The following SLC25A51 variants were observed in gnomAD, a reference collection of about 807,000 sequenced individuals.
SLC25A51 encodes the protein solute carrier family 25 member 51.
Under a neutral mutation model 19.1 loss-of-function variants are expected in SLC25A51, and 11 were observed. The ratio of observed to expected loss-of-function variants is 0.58; its 90% CI spans 0.36 to 0.96. The LOEUF is 0.96. SLC25A51 is among the 40% of genes least tolerant of loss of function. The pLI is 0.01. For missense variants in SLC25A51, 201 were observed against 365.4 expected (o/e 0.55, Z 3.67); for synonymous variants, 105 against 133.6 (o/e 0.79, Z 1.47).
At chr9:37,894,809 C>T (rs922050840) in intron 2 of SLC25A51, among the ~76,000 whole-genome samples, 5 of 152,114 alleles carry the variant, frequency 3.3e-5, no homozygotes, top group African/African-American at 1.2e-4. Flanking sequence ...GTGTGTTGTT[C>T]CTCTCTATGT....
chr9:37,881,878 G>A (rs1831355650), intron 2 of SLC25A51, among the ~76,000 whole-genome samples: 4 of 151,944 alleles, frequency 2.6e-5, no homozygotes. Flanking sequence ...AAGCATAAGA[G>A]AAGACCAAAA....
chr9:37,889,980 A>C (rs1831547156), intron 2 of SLC25A51, among the ~76,000 whole-genome samples: 1 of 151,946 alleles, frequency 6.6e-6, no homozygotes, highest in Admixed American at 6.6e-5. Context: ...TATAATAGAA[A>C]TATATAGAAA....
At chr9:37,899,663 A>T (rs1019517619) in intron 2 of SLC25A51, among the ~76,000 whole-genome samples, 166 bp downstream of exon 2, 1 of 151,866 alleles carries the variant, frequency 6.6e-6, no homozygotes. Flanking sequence ...TGGCACTCAG[A>T]TAAGTTTTCA....
intron 1 of SLC25A51, 132 bp from the exon 2 acceptor site, chr9:37,900,082 C>T (rs1364379627): frequency 7.1e-6 from 1 of 140,964 alleles, no homozygotes; most frequent in Admixed American, 7.8e-5. Context: ...AAGTGTTCCT[C>T]CCACCCTGGC....
At chr9:37,895,481 G>A (rs189480356) in intron 2 of SLC25A51, among the ~76,000 whole-genome samples, 2 of 151,690 alleles carry the variant, frequency 1.3e-5, no homozygotes, top group Non-Finnish European at 2.9e-5. Flanking sequence ...ATTGTAAGGA[G>A]TGAGCCACCT....
intron 2 of SLC25A51, among the ~76,000 whole-genome samples, chr9:37,899,392 T>A (rs1831793498): frequency 6.6e-6 from 1 of 152,204 alleles, no homozygotes; most frequent in Non-Finnish European, 1.5e-5. Flanking sequence ...TTTTTTTTCT[T>A]CTTTTACAAG....
At chr9:37,885,925 T>C, downstream of SLC25A51, 1 of 1,607,626 alleles carries the variant, frequency 6.2e-7, no homozygotes, top group Non-Finnish European at 8.5e-7. Flanking sequence ...AGTACTTCAA[T>C]GATAAAACCA....
chr9:37,882,641 G>T (rs1252802083), downstream of SLC25A51, among the ~76,000 whole-genome samples: 3 of 152,132 alleles, frequency 2.0e-5, no homozygotes, highest in Non-Finnish European at 4.4e-5. Flanking sequence ...CCATATCAAG[G>T]TTGTGTTTAC....
chr9:37,888,765 G>A (rs1315857463), intron 2 of SLC25A51, among the ~76,000 whole-genome samples, 173 bp from the exon 3 acceptor site: 1 of 152,220 alleles, frequency 6.6e-6, no homozygotes, highest in Non-Finnish European at 1.5e-5. Context: ...ATCCTTTTGG[G>A]AGTCCAGGAG....
intron 2 of SLC25A51, among the ~76,000 whole-genome samples, chr9:37,896,426 G>A (rs1359122472): frequency 6.6e-6 from 1 of 151,936 alleles, no homozygotes; most frequent in Non-Finnish European, 1.5e-5. Flanking sequence ...GGTAAACTTC[G>A]GTGTACTCTT....
exon 4 of SLC25A51, chr9:37,879,842 T>C (rs1831317036): frequency 6.6e-6 from 1 of 152,554 alleles, no homozygotes; most frequent in African/African-American, 2.4e-5. Flanking sequence ...GGGAGCAAGA[T>C]GAGTACAGCG....
intron 2 of SLC25A51, among the ~76,000 whole-genome samples, chr9:37,896,899 T>C (rs923992769): frequency 1.3e-5 from 2 of 152,162 alleles, no homozygotes; most frequent in Admixed American, 6.5e-5. Context: ...GTCCGGTACC[T>C]ATGTCAGGGG....
At chr9:37,885,365 A>C (rs868550039), downstream of SLC25A51, among the ~76,000 whole-genome samples, 25 of 151,078 alleles carry the variant, frequency 1.7e-4, no homozygotes, top group Middle Eastern at 3.4e-3. Context: ...AAAAAAAAAA[A>C]AAACCTTGTA....
chr9:37,885,724 T>A, downstream of SLC25A51: 1 of 1,436,440 alleles, frequency 7.0e-7, no homozygotes, highest in Non-Finnish European at 9.8e-7. Context: ...GCCATTGTGA[T>A]GATGAAGAAC....
chr9:37,886,098 C>A (rs1831449953), downstream of SLC25A51: 5 of 1,501,196 alleles, frequency 3.3e-6, no homozygotes, highest in South Asian at 5.6e-5. Context: ...GGACGCTATA[C>A]TGATGTTAGT....
At chr9:37,892,236 A>C (rs1056056260) in intron 2 of SLC25A51, among the ~76,000 whole-genome samples, 1 of 152,250 alleles carries the variant, frequency 6.6e-6, no homozygotes, top group Admixed American at 6.5e-5. Flanking sequence ...GGAGGTCATT[A>C]ATCAGCTGTC....
chr9:37,883,858 T>C (rs750745164), downstream of SLC25A51, among the ~76,000 whole-genome samples: 30 of 152,308 alleles, frequency 2.0e-4, no homozygotes, highest in Non-Finnish European at 3.4e-4. Flanking sequence ...CAGCACAACA[T>C]TGTCAGAGCT....
At chr9:37,896,246 G>A (rs906630913) in intron 2 of SLC25A51, among the ~76,000 whole-genome samples, 1 of 151,996 alleles carries the variant, frequency 6.6e-6, no homozygotes, top group African/African-American at 2.4e-5. Flanking sequence ...ACCCACGGGC[G>A]TTTGCGTTTA....
intron 2 of SLC25A51, among the ~76,000 whole-genome samples, chr9:37,891,692 G>C (rs957571180): frequency 2.0e-5 from 3 of 152,082 alleles, no homozygotes; most frequent in East Asian, 3.9e-4. Flanking sequence ...CTCCCTAATC[G>C]CAAGTTCCCA....
Sources: gnomAD v4.1 joint callset for allele counts (sites outside exome capture counted in the v4.1 genomes callset) on GRCh38, gnomAD v4.1.1 for gene constraint, MANE v1.5 for transcripts, NCBI Gene and HGNC (gene_info 2026-07-23, HGNC 2026-07-21) for gene names.